CAPN10: variants seen among roughly 807,000 people sequenced by gnomAD.
CAPN10 encodes the protein calpain-10.
In CAPN10, 71 loss-of-function variants were observed where a neutral mutation model predicts 78.4. The ratio of observed to expected loss-of-function variants is 0.91; its 90% CI spans 0.75 to 1.10. CAPN10 has a LOEUF of 1.10. CAPN10 is among the 50% of genes least tolerant of loss of function. CAPN10 has a pLI of 0.00. For missense variants in CAPN10, 849 were observed against 924.6 expected, an observed-to-expected ratio of 0.92 and a Z score of 1.06; for synonymous variants, 437 against 407.2, an observed-to-expected ratio of 1.07 and a Z score of -0.88.
Position 240,596,958 on chromosome 2 carries a change from C to CAGGG in CAPN10, c.1743+25_1743+28dup. 1.9e-6 allele frequency: 3 copies of CAGGG among 1,613,332 alleles called. No homozygotes were observed. The highest frequency in any genetic ancestry group is 2.5e-6 in the Non-Finnish European group (3 of 1,179,992). ...TATCTTCCAGGCAAGCTCCTTGCCC[C>CAGGG]AGGGAGGGAGGGGGAGCAGAAGGGG... On this transcript the variant is annotated intron_variant, in intron 9 of 11. Transcript: ENST00000391984.
In CAPN10 at chr2:240,594,753, G is replaced by A. The variant is rs113964727; in HGVS notation, c.997+44G>A. 2.8e-4 allele frequency: 439 copies of A among 1,578,362 alleles called. 2 individuals carry two copies. In the African/African-American group the frequency reaches 4.9e-3, roughly 18 times the overall value. ...GTGCTGGGCACGTGCTCTGCCTGCC[G>A]AAGTGAGGAGGCTGGGCAGGTGCCT... On this transcript the variant is annotated intron_variant, in intron 6 of 11. Transcript: ENST00000391984.
rs377273030 is a variant in CAPN10, at chr2:240,598,368, C to T, written c.1960C>T (p.Gln654Ter). The part of the protein sequence containing the change: ...TRIDRPSIHS[Q>*]EMLGQFLQEV... ...TCTCCACAGGCCATCCATTCACAGC[C>T]AGGAGATGCTGGGCCAGTTCCTCCA... The change falls in exon 11 of 12, where the codon CAG becomes TAG. Residue 654 changes from glutamine (Q) to a stop codon, truncating the protein, a stop_gained. Transcript: ENST00000391984. LOFTEE classifies it high-confidence loss of function. 6 of 1,613,720 alleles carry T rather than the reference C, an allele frequency of 3.7e-6. No individual in the cohort carries two copies. Among genetic ancestry groups the T allele is most frequent in the Non-Finnish European group, 5.1e-6 (6 of 1,179,988 alleles).
intron 9 of CAPN10, 66 bp downstream of exon 9, chr2:240,597,008 C>T: frequency 1.9e-6 from 3 of 1,591,650 alleles, no homozygotes; most frequent in Non-Finnish European, 2.6e-6. Flanking sequence ...GCATCTTGGC[C>T]TCCATTGTCC....
intron 4 of CAPN10, 31 bp downstream of exon 4, chr2:240,592,181 C>T: frequency 1.3e-6 from 2 of 1,527,228 alleles, no homozygotes; most frequent in South Asian, 1.2e-5. Flanking sequence ...GGGAGGGCTG[C>T]AGCCAGCGTG....
rs1575450255 is a variant in CAPN10 at position 240,595,019 on chromosome 2, A to C, written c.998-5A>C. The C allele has an allele frequency of 6.2e-7, 1 of 1,612,618 alleles. No homozygotes were observed. Among genetic ancestry groups the C allele is most frequent in the Non-Finnish European group, 8.5e-7 (1 of 1,179,890 alleles). ...CACAGCTGATGCCTGGTGTTTTCTC[A>C]CTAGAGAGGCTGCTCTGCCATACGC... On this transcript the variant is annotated splice_region_variant and splice_polypyrimidine_tract_variant and intron_variant, in intron 6 of 11. Transcript: ENST00000391984.
intron 7 of CAPN10, chr2:240,596,007 C>T: frequency 6.9e-7 from 1 of 1,446,670 alleles, no homozygotes; most frequent in Non-Finnish European, 9.3e-7. Context: ...TTTCCTCTTG[C>T]AAAAGAAGTT....
Position 240,591,731 on chromosome 2 carries a change from C to T in CAPN10, c.471-202C>T, listed in dbSNP as rs72549195. The T allele has an allele frequency of 3.0e-5, 18 of 595,980 alleles. 1 individual carries two copies. The highest frequency in any genetic ancestry group is 2.9e-5 in the Admixed American group (1 of 33,932). The allele number at this position is 595,980 out of a possible 1,614,324, so 36.9% of individuals were successfully genotyped here. A position where few individuals can be genotyped will look rare whatever the true frequency, so the allele number is the denominator to read the frequency against. ...TGTGTGTGGGCAGAGGACTGCAGGG[C>T]GCTCACGCTTGCTGTGAAGTAAGGC... On this transcript the variant is annotated intron_variant, in intron 3 of 11. Transcript: ENST00000391984.
At position 240,593,993 on chromosome 2, in the gene CAPN10, T is replaced by C. The variant is rs1371206992; in HGVS notation, c.776T>C (p.Leu259Pro). The C allele has an allele frequency of 6.2e-7, 1 of 1,611,156 alleles. No homozygotes were observed. The highest frequency in any genetic ancestry group is 1.3e-5 in the African/African-American group (1 of 74,856). ...QGQAGQCILL[L>P]RIQNPWGRRC... Reference sequence around the variant, plus strand: ...CAGGCGGGCCAGTGCATCCTGCTGCTGCGGATCCAGAACCCCTGGGGCCGG... The same window carrying C: ...CAGGCGGGCCAGTGCATCCTGCTGCCGCGGATCCAGAACCCCTGGGGCCGG... The change falls in exon 5 of 12, where the codon CTG becomes CCG. Residue 259 changes from leucine (L) to proline (P), a missense_variant. By Grantham distance (98) the Leu-to-Pro change is moderately conservative (BLOSUM62 -3). Transcript: ENST00000391984.
intron 4 of CAPN10, among the ~76,000 whole-genome samples, chr2:240,593,152 A>AGC (rs2093113538): frequency 6.6e-6 from 1 of 152,198 alleles, no homozygotes; most frequent in African/African-American, 2.4e-5. Context: ...GGTGGGCATT[A>AGC]GCTCGGGGAG....
Position 240,592,159 on chromosome 2 carries a change from C to T in CAPN10, c.688+9C>T, listed in dbSNP as rs1024365275. On this transcript the variant is annotated intron_variant, in intron 4 of 11. Transcript: ENST00000391984. ...GCTCAGCCCCAGAGCAGGTGAGGCA[C>T]GTGGCCAGCATGGGAGGGCTGCAGC... The T allele has an allele frequency of 7.9e-5, 123 of 1,553,356 alleles. No homozygotes were observed. Among genetic ancestry groups the T allele is most frequent in the Non-Finnish European group, 9.8e-5 (112 of 1,148,152 alleles).
At chr2:240,595,698 A>G (rs2093132356) in intron 7 of CAPN10, among the ~76,000 whole-genome samples, 1 of 152,220 alleles carries the variant, frequency 6.6e-6, no homozygotes, top group East Asian at 1.9e-4. Flanking sequence ...GTGACCTGGC[A>G]CACATCCTCT....
chr2:240,596,104 C>T lies in CAPN10; in HGVS notation c.1279-215C>T, dbSNP rs1237660663. On this transcript the variant is annotated intron_variant, in intron 7 of 11. Coordinates refer to ENST00000391984, the MANE Select transcript of CAPN10 (RefSeq NM_023083.4). ...CAGCTACAAGGAGGACTTGCAGGCT[C>T]GTGTCTGGGACAGATACTGGCGCCA... The T allele has an allele frequency of 5.2e-6, 8 of 1,536,254 alleles. No homozygotes were observed. In the Admixed American group the frequency reaches 5.9e-5, roughly 11 times the overall value.
At chr2:240,593,203 C>A (rs56783920) in intron 4 of CAPN10, among the ~76,000 whole-genome samples, 19,146 of 152,256 alleles carry the variant, frequency 0.13, 1,453 homozygotes, top group South Asian at 0.19. Context: ...AGCGCTAAGT[C>A]CTAGCACTTC....
At chr2:240,595,866 G>C (rs1559426490) in intron 7 of CAPN10, 2 of 1,126,734 alleles carry the variant, frequency 1.8e-6, no homozygotes, top group African/African-American at 3.2e-5. Context: ...CAAAGGGCCT[G>C]AGTGTGGGTC....
At position 240,592,059 on chromosome 2, in the gene CAPN10, G is replaced by T. The variant is rs781528296; in HGVS notation, c.597G>T (p.Arg199Ser). ...CAGGAAGCGGAGGCCAGCAGGACAGGCCAGGCCGCTGGGAGCACAGGACTT... is the reference window on the plus strand; with the variant it reads ...CAGGAAGCGGAGGCCAGCAGGACAGTCCAGGCCGCTGGGAGCACAGGACTT... ...GVAGSGGQQD[R>S]PGRWEHRTCR... Residue 199 changes from arginine to serine, a missense_variant, in exon 4 of 12, where the codon AGG (arginine) becomes AGT (serine). Arg to Ser is a moderately radical substitution (Grantham distance 110). Coordinates refer to ENST00000391984, the MANE Select transcript of CAPN10 (RefSeq NM_023083.4). 7 of 1,609,928 alleles carry T rather than the reference G, an allele frequency of 4.3e-6. No homozygotes were observed. The highest frequency in any genetic ancestry group is 5.9e-6 in the Non-Finnish European group (7 of 1,178,894).
In CAPN10 at chr2:240,594,891, G is replaced by A. The variant is rs1428929242; in HGVS notation, c.998-133G>A. ...GTCCCAGGAGCTGGGAGGAGGGTGG[G>A]CTTGTGGGAGGGGCTGGCTCTGTCT... On this transcript the variant is annotated intron_variant, in intron 6 of 11. Transcript: ENST00000391984. 3 of 555,258 alleles carry A rather than the reference G, an allele frequency of 5.4e-6. No homozygotes were observed. In the South Asian group the frequency reaches 7.0e-5, roughly 13 times the overall value. 34.4% of individuals were successfully genotyped at this position (555,258 alleles called of 1,614,324 possible).
intron 1 of CAPN10, among the ~76,000 whole-genome samples, chr2:240,588,370 T>TG (rs2125456585): frequency 6.6e-6 from 1 of 151,964 alleles, no homozygotes; most frequent in East Asian, 1.9e-4. Context: ...AAGGGGGCCT[T>TG]GGGGCTGAGC....
intron 9 of CAPN10, among the ~76,000 whole-genome samples, chr2:240,597,684 C>T (rs12465143): frequency 0.082 from 12,534 of 152,188 alleles, 705 homozygotes; most frequent in Admixed American, 0.16. Context: ...GGCCTCCAGG[C>T]GGGGGCCCCA....
chr2:240,590,700 A>G (rs1276638696), intron 2 of CAPN10, 115 bp from the exon 3 acceptor site: 4 of 854,584 alleles, frequency 4.7e-6, no homozygotes, highest in African/African-American at 1.7e-5. Flanking sequence ...AGTTCTCTGC[A>G]GACCGCGGTG....
Sources: allele counts gnomAD v4.1 joint callset (sites outside exome capture counted in the v4.1 genomes callset), GRCh38; gene constraint gnomAD v4.1.1; transcripts MANE v1.5; gene names NCBI Gene and HGNC (gene_info 2026-07-23, HGNC 2026-07-21).